Variants in DMD observed in about 807,000 individuals in gnomAD.
DMD encodes dystrophin, also known as mutant dystrophin.
In DMD, 63 loss-of-function variants were observed where a neutral mutation model predicts 330.1. The ratio of observed to expected loss-of-function variants is 0.19; its 90% CI spans 0.16 to 0.24. The LOEUF (loss-of-function observed/expected upper bound fraction) is 0.24, where lower values mean the gene tolerates loss of function less well. Among genes scored for constraint, DMD ranks in the 10% least tolerant of loss-of-function variants. DMD has a pLI of 1.00. For missense variants in DMD, 3,344 were observed against 2,684.1 expected, an observed-to-expected ratio of 1.25 and a Z score of -5.43; for synonymous variants, 1,223 against 959.8, an observed-to-expected ratio of 1.27 and a Z score of -5.07.
chrX:32,231,955 CAA>C (rs2097170613), intron 43 of DMD, among the ~76,000 whole-genome samples: 1 of 111,359 alleles, frequency 9.0e-6, no homozygotes. Context: ...TATATACACA[CAA>C]ATATAGTATG....
chrX:32,546,074 G>A (rs925119344), intron 16 of DMD, among the ~76,000 whole-genome samples: 2 of 105,378 alleles, frequency 1.9e-5, no homozygotes, highest in African/African-American at 3.5e-5. Context: ...TTTTGGCAGC[G>A]GGCCGGGGGC....
intron 12 of DMD, among the ~76,000 whole-genome samples, chrX:32,612,137 A>G (rs1393855234): frequency 9.0e-6 from 1 of 111,555 alleles, no homozygotes; most frequent in Non-Finnish European, 1.9e-5. Flanking sequence ...TACCCTGTGG[A>G]TACCTGGAGC....
rs115246080 is a variant in DMD at position 31,463,932 on chromosome X, A to T, written c.8937+14174T>A. On this transcript the variant is annotated intron_variant, in intron 59 of 78. Coordinates refer to ENST00000357033, the MANE Select transcript of DMD (RefSeq NM_004006.3). ...ATAGGTTTCAATCATATCATGAATT[A>T]ATGAATGAGTGCATTTGTATATCCT... 1.5e-3 allele frequency among the ~76,000 whole-genome samples: 171 copies of T among 112,003 alleles called. 1 individual carries two copies. The highest frequency in any genetic ancestry group is 5.2e-3 in the African/African-American group (162 of 30,955).
rs759934353 is a variant in DMD at position 31,195,485 on chromosome X, G to A, written c.9807+8476C>T. Among the ~76,000 whole-genome samples the A allele has an allele frequency of 3.6e-5, 4 of 111,685 alleles. No homozygotes were observed. The South Asian group carries it at 1.5e-3, about 42-fold the overall frequency. On this transcript the variant is annotated intron_variant, in intron 67 of 78. Coordinates refer to ENST00000357033, the MANE Select transcript of DMD (RefSeq NM_004006.3). ...CATATATCTGTCTATAGGTACCATGGAATATACTTTCCCAAGTGTGGATCA... is the reference window on the plus strand; with the variant it reads ...CATATATCTGTCTATAGGTACCATGAAATATACTTTCCCAAGTGTGGATCA...
chrX:33,141,929 C>T (rs2047819454), intron 1 of DMD, among the ~76,000 whole-genome samples: 1 of 112,138 alleles, frequency 8.9e-6, no homozygotes, highest in Non-Finnish European at 1.9e-5. Context: ...AACACTATGA[C>T]AGTACCTAAA....
intron 2 of DMD, among the ~76,000 whole-genome samples, chrX:33,011,977 C>T (rs1190493729): frequency 9.0e-6 from 1 of 111,280 alleles, no homozygotes; most frequent in Non-Finnish European, 1.9e-5. Flanking sequence ...ATCAATAATT[C>T]CAATTTTCTT....
chrX:31,360,984 G>T (rs1189086832), intron 60 of DMD, among the ~76,000 whole-genome samples: 1 of 111,419 alleles, frequency 9.0e-6, no homozygotes, highest in Non-Finnish European at 1.9e-5. Flanking sequence ...GCTGGGCATG[G>T]TGGTGCAAGC....
At chrX:32,213,369 C>T (rs971237107) in intron 44 of DMD, among the ~76,000 whole-genome samples, 3 of 112,351 alleles carry the variant, frequency 2.7e-5, no homozygotes, top group Admixed American at 9.4e-5. Context: ...TTTGCCTTAT[C>T]GATGAAGGTA....
At chrX:32,758,528 G>A (rs886193983) in intron 7 of DMD, among the ~76,000 whole-genome samples, 6 of 111,076 alleles carry the variant, frequency 5.4e-5, no homozygotes, top group Non-Finnish European at 1.1e-4. Flanking sequence ...TAAAATAATG[G>A]GTCACAGCAC....
intron 76 of DMD, among the ~76,000 whole-genome samples, chrX:31,138,759 A>G (rs1302486186): frequency 9.1e-6 from 1 of 109,622 alleles, no homozygotes; most frequent in Non-Finnish European, 1.9e-5. Context: ...CGAGAACAGC[A>G]TGGGGGAAAA....
rs939334980 is a variant in DMD, at chrX:32,670,320, C to A, written c.961-25168G>T. Among the ~76,000 whole-genome samples, 4 of 111,865 alleles carry A rather than the reference C, an allele frequency of 3.6e-5. No homozygotes were observed. The South Asian group carries it at 1.5e-3, about 41-fold the overall frequency. ...TTAAATTACTAGTGTTTGACCTTCA[C>A]ATATGACACTATTATGTATATTTTA... On this transcript the variant is annotated intron_variant, in intron 9 of 78. Transcript: ENST00000357033.
At chrX:32,281,543 A>G (rs1294540250) in intron 43 of DMD, among the ~76,000 whole-genome samples, 2 of 111,878 alleles carry the variant, frequency 1.8e-5, no homozygotes, top group Non-Finnish European at 3.8e-5. Context: ...CCACATCAAG[A>G]AACAAAACAT....
intron 59 of DMD, among the ~76,000 whole-genome samples, chrX:31,470,988 G>A (rs1211264832): frequency 8.9e-6 from 1 of 111,732 alleles, no homozygotes; most frequent in Non-Finnish European, 1.9e-5. Flanking sequence ...GTAATGGCAG[G>A]TGCCCCTCCC....
intron 2 of DMD, among the ~76,000 whole-genome samples, chrX:33,010,031 T>TAC (rs1569549190): frequency 4.9e-4 from 15 of 30,852 alleles, no homozygotes; most frequent in African/African-American, 1.8e-3. Flanking sequence ...TGTGTGTACA[T>TAC]GTGTATATAC....
At chrX:31,441,620 AAT>A (rs201292965) in intron 60 of DMD, among the ~76,000 whole-genome samples, 3 of 97,713 alleles carry the variant, frequency 3.1e-5, no homozygotes, top group South Asian at 4.1e-4. Flanking sequence ...TTTTCATAGA[AAT>A]ATGTCTTTTT....
intron 7 of DMD, among the ~76,000 whole-genome samples, chrX:32,759,700 A>G (rs1342561883): frequency 8.9e-6 from 1 of 111,777 alleles, no homozygotes; most frequent in Non-Finnish European, 1.9e-5. Flanking sequence ...ATATAATGCT[A>G]CCTCAGAAAT....
intron 21 of DMD, among the ~76,000 whole-genome samples, chrX:32,479,267 A>G (rs777844689): frequency 9.0e-6 from 1 of 111,012 alleles, no homozygotes; most frequent in Non-Finnish European, 1.9e-5. Context: ...CACCTCACCA[A>G]CTTATCTTTT....
intron 74 of DMD, among the ~76,000 whole-genome samples, chrX:31,148,543 T>C (rs1352665153): frequency 8.9e-6 from 1 of 112,495 alleles, no homozygotes. Context: ...GGATACCTGT[T>C]GAAGAGATTC....
At chrX:32,901,208 A>T (rs747570158) in intron 2 of DMD, among the ~76,000 whole-genome samples, 9 of 111,992 alleles carry the variant, frequency 8.0e-5, no homozygotes, top group African/African-American at 2.3e-4. Context: ...TATATTATAC[A>T]AATGTGATAA....
Sources: gnomAD v4.1 joint callset for allele counts (sites outside exome capture counted in the v4.1 genomes callset) on GRCh38, gnomAD v4.1.1 for gene constraint, MANE v1.5 for transcripts, NCBI Gene and HGNC (gene_info 2026-07-23, HGNC 2026-07-21) for gene names.